The following TENM3 variants were observed in gnomAD, a reference collection of about 807,000 sequenced individuals.
TENM3 encodes the protein teneurin-3.
In TENM3, 63 loss-of-function variants were observed where a neutral mutation model predicts 255.1. The ratio of observed to expected loss-of-function variants is 0.25; its 90% confidence interval spans 0.20 to 0.30. The LOEUF is 0.30. Ranked by LOEUF, TENM3 falls within the 10% of genes least tolerant of loss-of-function variation. The pLI, the probability that TENM3 is intolerant of heterozygous loss-of-function variation, is 1.00. For missense variants in TENM3, 2,929 were observed against 3,461.1 expected (o/e 0.85, Z 3.86); for synonymous variants, 1,306 against 1,322.3 (o/e 0.99, Z 0.27).
the TENM3 span, among the ~76,000 whole-genome samples, chr4:181,494,458 G>A: frequency 3.9e-5 from 6 of 152,028 alleles, no homozygotes; most frequent in East Asian, 9.8e-4. Context: ...CTAATTTTTT[G>A]TATTTTTAAT....
intron 18 of TENM3, among the ~76,000 whole-genome samples, chr4:182,739,139 G>A (rs1325034122): frequency 2.0e-5 from 3 of 151,758 alleles, no homozygotes; most frequent in African/African-American, 7.3e-5. Context: ...TGAATATTAG[G>A]GGAAAAAATG....
At chr4:182,744,047 A>G (rs901411253) in intron 19 of TENM3, 9 of 780,088 alleles carry the variant, frequency 1.2e-5, no homozygotes, top group Non-Finnish European at 1.4e-5. Flanking sequence ...TTAAAATCTC[A>G]GAATTCAACT....
chr4:181,641,924 A>G, the TENM3 span, among the ~76,000 whole-genome samples: 5 of 147,180 alleles, frequency 3.4e-5, no homozygotes, highest in Admixed American at 7.0e-5. Context: ...TAGGGCTGCA[A>G]TAAACATATG....
chr4:182,007,464 T>C, the TENM3 span, among the ~76,000 whole-genome samples: 4 of 152,232 alleles, frequency 2.6e-5, no homozygotes, highest in Admixed American at 2.6e-4. Flanking sequence ...ATTGATCCCT[T>C]TACCATTACA....
At chr4:181,566,226 G>A in the TENM3 span, among the ~76,000 whole-genome samples, 30 of 152,264 alleles carry the variant, frequency 2.0e-4, no homozygotes, top group East Asian at 3.7e-3. Context: ...CCCTGAAATT[G>A]TTGATCAGGA....
chr4:181,741,814 C>T, the TENM3 span, among the ~76,000 whole-genome samples: 3 of 152,136 alleles, frequency 2.0e-5, no homozygotes, highest in Non-Finnish European at 4.4e-5. Context: ...TGTTTCTGAA[C>T]ATGGACTACC....
intron 3 of TENM3, among the ~76,000 whole-genome samples, chr4:182,360,820 T>C (rs1373668901): frequency 6.6e-6 from 1 of 152,226 alleles, no homozygotes; most frequent in Non-Finnish European, 1.5e-5. Context: ...CTAGTCTCGA[T>C]GGCCTTTACA....
chr4:181,870,600 T>C, the TENM3 span, among the ~76,000 whole-genome samples: 1 of 152,160 alleles, frequency 6.6e-6, no homozygotes, highest in Non-Finnish European at 1.5e-5. Context: ...AGTGTCTATT[T>C]GAGTCCTTTG....
intron 3 of TENM3, among the ~76,000 whole-genome samples, chr4:182,519,897 CTG>C (rs1252493977): frequency 2.6e-5 from 4 of 152,004 alleles, no homozygotes; most frequent in Non-Finnish European, 5.9e-5. Flanking sequence ...GAAAAAACCT[CTG>C]TATTTCAAAA....
rs535861819 is a variant in TENM3, at chr4:182,237,789, A to G, written c.-75-86157A>G. Among the ~76,000 whole-genome samples the G allele has an allele frequency of 1.2e-4, 19 of 152,320 alleles. No homozygotes were observed. The South Asian group carries it at 1.7e-3, about 13-fold the overall frequency. The stretch of plus-strand genomic sequence containing the variant: ...ATTCAAACTTATGGAGATAAAGAGG[A>G]TAAGTCAGTACAGGTTAAGTTTTGT... On this transcript the variant is annotated intron_variant, in intron 1 of 2. Coordinates refer to the TENM3 transcript ENST00000512480.
chr4:181,452,656 G>A, the TENM3 span, among the ~76,000 whole-genome samples: 1 of 152,136 alleles, frequency 6.6e-6, no homozygotes, highest in South Asian at 2.1e-4. Context: ...CCAGTCTCAG[G>A]TATGTCTTTA....
chr4:181,586,885 A>C, the TENM3 span, among the ~76,000 whole-genome samples: 1 of 152,024 alleles, frequency 6.6e-6, no homozygotes, highest in African/African-American at 2.4e-5. Flanking sequence ...CAAAAACAAA[A>C]GAAGCAGATC....
At chr4:182,575,611 A>G (rs1744839401) in intron 3 of TENM3, among the ~76,000 whole-genome samples, 1 of 152,178 alleles carries the variant, frequency 6.6e-6, no homozygotes. Flanking sequence ...TGGTGTTGTG[A>G]TTTGCAGCTT....
rs1748836291 is a variant in TENM3 at position 182,610,048 on chromosome 4, T to G, written c.749+8887T>G. 2.6e-5 allele frequency among the ~76,000 whole-genome samples: 4 copies of G among 152,326 alleles called. No homozygotes were observed. In the South Asian group the frequency reaches 8.3e-4, roughly 32 times the overall value. On this transcript the variant is annotated intron_variant, in intron 4 of 27. Transcript: ENST00000511685. ...TAGGTAGCTTTTTACCTTTGCAGAT[T>G]TTTTGACAGTAAGAATAATCACTAA...
At chr4:182,175,152 C>A (rs1349807650) in intron 1 of TENM3, among the ~76,000 whole-genome samples, 1 of 151,784 alleles carries the variant, frequency 6.6e-6, no homozygotes, top group African/African-American at 2.4e-5. Context: ...AATTAATTTT[C>A]TTAGTGGCTC....
rs35831067 is a variant in TENM3 at position 182,763,554 on chromosome 4, C to CAA, written c.4892+8305_4892+8306dup. Among the ~76,000 whole-genome samples, 156 of 143,734 alleles carry CAA rather than the reference C, an allele frequency of 1.1e-3. 1 individual carries two copies. The highest frequency in any genetic ancestry group is 3.4e-3 in the African/African-American group (131 of 37,994). 94.3% of individuals were successfully genotyped at this position (143,734 alleles called of 152,430 possible). Reference sequence around the variant, plus strand: ...TGGGCGACAGAGTGAGACTCCGTCTCAAAAAAAAAAAGAAACGATGGAACC... The same window carrying CAA: ...TGGGCGACAGAGTGAGACTCCGTCTCAAAAAAAAAAAAAGAAACGATGGAACC... On this transcript the variant is annotated intron_variant, in intron 22 of 27. Transcript: ENST00000511685.
At chr4:182,584,092 A>G (rs1031316939) in intron 3 of TENM3, among the ~76,000 whole-genome samples, 1 of 152,254 alleles carries the variant, frequency 6.6e-6, no homozygotes, top group African/African-American at 2.4e-5. Context: ...TTAAACCCTA[A>G]GCCGCCTTTC....
chr4:182,090,034 G>A, the TENM3 span, among the ~76,000 whole-genome samples: 1 of 152,118 alleles, frequency 6.6e-6, no homozygotes, highest in Non-Finnish European at 1.5e-5. Flanking sequence ...TTCATTATTA[G>A]CCAACTGAAA....
chr4:181,552,160 A>G, the TENM3 span, among the ~76,000 whole-genome samples: 2 of 152,260 alleles, frequency 1.3e-5, no homozygotes, highest in South Asian at 4.2e-4. Context: ...TTCAGTAAAT[A>G]TGGGAGAAAA....
Sources: allele counts gnomAD v4.1 joint callset (sites outside exome capture counted in the v4.1 genomes callset), GRCh38; gene constraint gnomAD v4.1.1; transcripts MANE v1.5; gene names NCBI Gene and HGNC (gene_info 2026-07-23, HGNC 2026-07-21).